Variants in PKD1L1 observed in about 807,000 individuals in gnomAD.
PKD1L1 encodes polycystin 1 like 1, transient receptor potential channel interacting, also known as polycystin-1-like protein 1.
Under a neutral mutation model 323.4 loss-of-function variants are expected in PKD1L1, and 236 were observed. The observed-to-expected ratio is 0.73, with a 90% CI of 0.66 to 0.81. The LOEUF (loss-of-function observed/expected upper bound fraction) is 0.81. Ranked by LOEUF, PKD1L1 falls within the 40% of genes least tolerant of loss-of-function variation. The probability of loss-of-function intolerance (pLI) is 0.00; values close to 1 mark genes in which losing one functional copy is unlikely to be tolerated. For missense variants in PKD1L1, 3,320 were observed against 3,508.0 expected, an observed-to-expected ratio of 0.95 and a Z score of 1.35; for synonymous variants, 1,344 against 1,335.0, an observed-to-expected ratio of 1.01 and a Z score of -0.15.
At chr7:47,799,464 T>G (rs1402642639) in intron 54 of PKD1L1, among the ~76,000 whole-genome samples, 5 of 152,170 alleles carry the variant, frequency 3.3e-5, no homozygotes, top group Non-Finnish European at 7.3e-5. Flanking sequence ...TTTACTGAAC[T>G]TGCAGTGGGC....
chr7:47,960,394 ACTGT>A, the PKD1L1 span, among the ~76,000 whole-genome samples: 19 of 112,344 alleles, frequency 1.7e-4, no homozygotes, highest in Admixed American at 2.9e-4. Context: ...AAAAAAAAAA[ACTGT>A]AAAAAAGAAA....
chr7:47,811,467 T>A (rs1784893667), intron 50 of PKD1L1, among the ~76,000 whole-genome samples: 1 of 152,176 alleles, frequency 6.6e-6, no homozygotes, highest in Admixed American at 6.5e-5. Context: ...AAATGTCTCT[T>A]TTTAAAGCAC....
At chr7:47,925,063 C>A (rs1260419444) in intron 7 of PKD1L1, among the ~76,000 whole-genome samples, 1 of 152,028 alleles carries the variant, frequency 6.6e-6, no homozygotes, top group Admixed American at 6.5e-5. Context: ...AGAAGAGGAC[C>A]TAAAATCAAC....
In PKD1L1 at chr7:47,843,026, C is replaced by T. The variant is rs769358285; in HGVS notation, c.5381G>A (p.Gly1794Asp). 2 of 1,613,854 alleles carry T rather than the reference C, an allele frequency of 1.2e-6. No individual in the cohort carries two copies. Among genetic ancestry groups the T allele is most frequent in the Admixed American group, 1.7e-5 (1 of 59,988 alleles). Residue 1794 changes from glycine (G) to aspartate (D), a missense_variant, in exon 34 of 57, where the codon GGC becomes GAC. By Grantham distance (94) the Gly-to-Asp change is moderately conservative. Coordinates refer to ENST00000289672, the MANE Select transcript of PKD1L1 (RefSeq NM_138295.5). Reference protein sequence around the residue: ...YIFLQEASLPGHQLYAVVIDT... With the variant: ...YIFLQEASLPDHQLYAVVIDT... ...AATGACGACCGCATATAGCTGATGGCCCGGCAGGGAAGCTTCTTGCAGAAA... is the reference window on the plus strand; with the variant it reads ...AATGACGACCGCATATAGCTGATGGTCCGGCAGGGAAGCTTCTTGCAGAAA...
At chr7:47,954,370 G>A in the PKD1L1 span, among the ~76,000 whole-genome samples, 1 of 152,192 alleles carries the variant, frequency 6.6e-6, no homozygotes, top group African/African-American at 2.4e-5. Flanking sequence ...GGTGTTGGGA[G>A]GCAGAGCCTG....
chr7:47,778,122 G>A (rs901830393), intron 56 of PKD1L1, among the ~76,000 whole-genome samples: 7 of 152,148 alleles, frequency 4.6e-5, no homozygotes, highest in African/African-American at 9.7e-5. Context: ...GTACAAACAA[G>A]GCCAGAGGAG....
chr7:47,818,096 C>T (rs775173303), intron 46 of PKD1L1: 1 of 1,367,812 alleles, frequency 7.3e-7, no homozygotes, highest in Non-Finnish European at 9.8e-7. Flanking sequence ...AAATGCAGAG[C>T]AAATTGGAGG....
chr7:47,778,530 T>C (rs1275421967), intron 56 of PKD1L1, among the ~76,000 whole-genome samples: 1 of 152,172 alleles, frequency 6.6e-6, no homozygotes, highest in Non-Finnish European at 1.5e-5. Flanking sequence ...CAGGTGAAGA[T>C]GAAGAAAACA....
chr7:47,796,215 CG>C, intron 54 of PKD1L1, 65 bp from the exon 55 acceptor site: 1 of 1,347,380 alleles, frequency 7.4e-7, no homozygotes, highest in South Asian at 1.4e-5. Context: ...GCTTTGTTAA[CG>C]TGATAAACTA....
rs369661675 is a variant in PKD1L1 at position 47,857,725 on chromosome 7, A to C, written c.4470T>G (p.His1490Gln). 88 of 1,614,074 alleles carry C rather than the reference A, an allele frequency of 5.5e-5. No homozygotes were observed. In the South Asian group the frequency reaches 8.8e-4, roughly 16 times the overall value. The change falls in exon 28 of 57, where the codon CAT (histidine) becomes CAG (glutamine). Residue 1490 changes from histidine (H) to glutamine (Q), a missense_variant. Physicochemically the swap from His to Gln is conservative, Grantham distance 24 (BLOSUM62 0). Coordinates refer to ENST00000289672, the MANE Select transcript of PKD1L1 (RefSeq NM_138295.5). ...TGTGCCCAGCAAGGTCACCAGGTAA[A>C]TGCACCTGGACAGATCCCAGGCTCT... ...SVQSLGSVQV[H>Q]LPGDLAGHSP...
intron 4 of PKD1L1, among the ~76,000 whole-genome samples, chr7:47,935,377 C>T (rs553609371): frequency 5.3e-5 from 8 of 152,138 alleles, no homozygotes; most frequent in Admixed American, 3.9e-4. Flanking sequence ...AGGGCCTCAG[C>T]GATCAGATTT....
intron 56 of PKD1L1, among the ~76,000 whole-genome samples, chr7:47,780,734 T>G (rs1470411135): frequency 6.6e-6 from 1 of 152,188 alleles, no homozygotes; most frequent in Non-Finnish European, 1.5e-5. Context: ...CAGGTGGCTG[T>G]GTGGATCAAT....
At chr7:47,842,200 A>C (rs1785575963) in intron 34 of PKD1L1, among the ~76,000 whole-genome samples, 1 of 152,188 alleles carries the variant, frequency 6.6e-6, no homozygotes, top group Admixed American at 6.5e-5. Context: ...CTGAAAGACA[A>C]TTTAAATATA....
chr7:47,937,047 T>G (rs1204966289), intron 3 of PKD1L1, 89 bp from the exon 4 acceptor site: 6 of 1,021,830 alleles, frequency 5.9e-6, no homozygotes, highest in Non-Finnish European at 3.0e-6. Flanking sequence ...ATTAACAAAA[T>G]AGCAGTGGAC....
rs764988692 is a variant in PKD1L1 at position 47,902,471 on chromosome 7, C to T, written c.1972G>A (p.Val658Ile). The change falls in exon 13 of 57, where the codon GTC becomes ATC. Residue 658 changes from valine to isoleucine, a missense_variant. Transcript: ENST00000289672. ...FTVEVLAFNNVSASTLRQQLF... is the reference protein window; with the variant it reads ...FTVEVLAFNNISASTLRQQLF... ...TGCTGTCTTAGAGTGGAGGCACTGA[C>T]ATTATTGAAGGCAAGGACCTCCACT... 2.5e-6 allele frequency: 4 copies of T among 1,614,156 alleles called. No individual in the cohort carries two copies. Among genetic ancestry groups the T allele is most frequent in the Non-Finnish European group, 2.5e-6 (3 of 1,179,998 alleles).
intron 16 of PKD1L1, among the ~76,000 whole-genome samples, 184 bp downstream of exon 16, chr7:47,890,358 G>A (rs868160807): frequency 5.9e-5 from 9 of 152,232 alleles, no homozygotes; most frequent in African/African-American, 1.9e-4. Context: ...ACATCAGCCC[G>A]AGAGCGGGGA....
At chr7:47,789,530 A>T (rs960713906) in intron 56 of PKD1L1, among the ~76,000 whole-genome samples, 1 of 151,646 alleles carries the variant, frequency 6.6e-6, no homozygotes, top group East Asian at 1.9e-4. Flanking sequence ...CATTCTTTCA[A>T]CTTCTTTCCT....
At chr7:47,782,089 T>C (rs1430495559) in intron 56 of PKD1L1, among the ~76,000 whole-genome samples, 2 of 152,098 alleles carry the variant, frequency 1.3e-5, no homozygotes, top group African/African-American at 2.4e-5. Flanking sequence ...CTGCATAGTA[T>C]AGTATAACCA....
chr7:47,870,183 A>C (rs79957885), intron 24 of PKD1L1, among the ~76,000 whole-genome samples: 2 of 150,846 alleles, frequency 1.3e-5, no homozygotes, highest in South Asian at 2.1e-4. Flanking sequence ...CAACAACAAC[A>C]AAAAAAAACA....
Sources: gnomAD v4.1 joint callset for allele counts (sites outside exome capture counted in the v4.1 genomes callset) on GRCh38, gnomAD v4.1.1 for gene constraint, MANE v1.5 for transcripts, NCBI Gene and HGNC (gene_info 2026-07-23, HGNC 2026-07-21) for gene names.